GGA2: variants seen among roughly 807,000 people sequenced by gnomAD.
The protein encoded by GGA2 is golgi associated, gamma adaptin ear containing, ARF binding protein 2.
Under a neutral mutation model 79.5 loss-of-function variants are expected in GGA2, and 48 were observed. The ratio of observed to expected loss-of-function variants is 0.60; its 90% CI spans 0.48 to 0.77. The LOEUF (loss-of-function observed/expected upper bound fraction) is 0.77, where lower values mean the gene tolerates loss of function less well. Ranked by LOEUF, GGA2 falls within the 30% of genes least tolerant of loss-of-function variation. The pLI is 0.00. For synonymous variants in GGA2, 317 were observed against 302.0 expected, an observed-to-expected ratio of 1.05 and a Z score of -0.51; for missense variants, 770 against 774.0, an observed-to-expected ratio of 0.99 and a Z score of 0.06.
At chr16:23,499,398 C>T (rs1158130496) in intron 1 of GGA2, among the ~76,000 whole-genome samples, 1 of 152,042 alleles carries the variant, frequency 6.6e-6, no homozygotes, top group Non-Finnish European at 1.5e-5. Flanking sequence ...TCCACCTCAG[C>T]CTCCCAAAGT....
chr16:23,491,431 CT>C (rs1159742632), intron 5 of GGA2, among the ~76,000 whole-genome samples: 3 of 150,854 alleles, frequency 2.0e-5, no homozygotes, highest in African/African-American at 7.3e-5. Flanking sequence ...CTGTGGTTTC[CT>C]ATGATTTCCA....
At chr16:23,492,631 C>T (rs757478688) in intron 4 of GGA2, among the ~76,000 whole-genome samples, 3 of 152,078 alleles carry the variant, frequency 2.0e-5, no homozygotes, top group Admixed American at 6.6e-5. Context: ...GCCTATGTAT[C>T]GCTTCCATTT....
At chr16:23,477,324 T>G (rs573869673) in intron 13 of GGA2, among the ~76,000 whole-genome samples, 3 of 152,308 alleles carry the variant, frequency 2.0e-5, no homozygotes, top group African/African-American at 7.2e-5. Context: ...CAGTAAGAGA[T>G]AACTGAATCA....
intron 15 of GGA2, 94 bp from the exon 16 acceptor site, chr16:23,469,090 C>A (rs904502862): frequency 3.9e-6 from 3 of 763,074 alleles, no homozygotes; most frequent in African/African-American, 3.4e-5. Flanking sequence ...CCCCAACACC[C>A]CTCCAAGAGG....
At chr16:23,477,077 G>A (rs1278766649) in intron 13 of GGA2, among the ~76,000 whole-genome samples, 1 of 152,110 alleles carries the variant, frequency 6.6e-6, no homozygotes, top group African/African-American at 2.4e-5. Flanking sequence ...TCAGCCTCCT[G>A]AGCAGCTGGG....
intron 1 of GGA2, among the ~76,000 whole-genome samples, 160 bp downstream of exon 1, chr16:23,510,161 G>T (rs1290888502): frequency 5.9e-5 from 9 of 151,820 alleles, no homozygotes; most frequent in Non-Finnish European, 1.2e-4. Context: ...CCTCTCGGGG[G>T]ACCCCTGGGC....
At chr16:23,512,748 A>C (rs1965080830), upstream of GGA2, among the ~76,000 whole-genome samples, 1 of 111,848 alleles carries the variant, frequency 8.9e-6, no homozygotes, top group African/African-American at 3.6e-5. Flanking sequence ...TCTGTTGCCC[A>C]GGCTGGAGTG....
intron 11 of GGA2, 55 bp from the exon 12 acceptor site, chr16:23,478,966 T>C (rs751888914): frequency 1.7e-6 from 2 of 1,160,816 alleles, no homozygotes; most frequent in South Asian, 2.4e-5. Context: ...TGCTTCCAGA[T>C]GAAGAGTAAT....
At position 23,494,108 on chromosome 16, in the gene GGA2, G is replaced by A. The variant is rs1264209339; in HGVS notation, c.252+195C>T. 9 of 593,778 alleles carry A rather than the reference G, an allele frequency of 1.5e-5. No homozygotes were observed. The East Asian group carries it at 2.5e-4, about 17-fold the overall frequency. 36.8% of individuals were successfully genotyped at this position (593,778 alleles called of 1,614,324 possible). A position where few individuals can be genotyped will look rare whatever the true frequency, so the allele number is the denominator to read the frequency against. ...ACAGTAGACTCAATGCTGCCCTGAAGAAACAGACGAGAAACAGGAGGAAGA... is the reference window on the plus strand; with the variant it reads ...ACAGTAGACTCAATGCTGCCCTGAAAAAACAGACGAGAAACAGGAGGAAGA... On this transcript the variant is annotated intron_variant, in intron 3 of 16. Coordinates refer to ENST00000309859, the MANE Select transcript of GGA2 (RefSeq NM_015044.4).
rs141495211 is a variant in GGA2, at chr16:23,473,793, G to A, written c.1450+1111C>T. On this transcript the variant is annotated intron_variant, in intron 14 of 16. Coordinates refer to ENST00000309859, the MANE Select transcript of GGA2 (RefSeq NM_015044.4). ...TGTAGCTTCCCCAGATGTTAACATC[G>A]TAACTACAATACAGTTATTGAATTC... is the stretch of plus-strand genomic sequence containing the variant. 3.5e-4 allele frequency among the ~76,000 whole-genome samples: 53 copies of A among 152,012 alleles called. No homozygotes were observed. In the East Asian group the frequency reaches 9.5e-3, roughly 27 times the overall value.
At chr16:23,482,151 C>T (rs1964656226) in intron 9 of GGA2, among the ~76,000 whole-genome samples, 1 of 152,154 alleles carries the variant, frequency 6.6e-6, no homozygotes, top group Non-Finnish European at 1.5e-5. Context: ...ATAATCCCAG[C>T]TACTTGGGAG....
intron 14 of GGA2, among the ~76,000 whole-genome samples, chr16:23,474,219 C>T (rs1964548803): frequency 6.6e-6 from 1 of 152,236 alleles, no homozygotes; most frequent in African/African-American, 2.4e-5. Context: ...CCACATTAAA[C>T]ATTCCCTTCT....
At chr16:23,515,549 A>T (rs1359280566) in intron 2 of GGA2, among the ~76,000 whole-genome samples, 3 of 131,100 alleles carry the variant, frequency 2.3e-5, no homozygotes, top group Non-Finnish European at 4.7e-5. Context: ...GTGAGCTGAG[A>T]TTGCACCACT....
chr16:23,470,471 G>A (rs1281554379), intron 14 of GGA2, among the ~76,000 whole-genome samples: 1 of 152,080 alleles, frequency 6.6e-6, no homozygotes. Context: ...ATAGAAAATA[G>A]AGAATTATCA....
intron 3 of GGA2, 37 bp from the exon 4 acceptor site, chr16:23,493,495 G>T: frequency 7.5e-7 from 1 of 1,333,076 alleles, no homozygotes; most frequent in Non-Finnish European, 1.1e-6. Flanking sequence ...AAGGTGGAAA[G>T]CCAGTGGTCC....
At chr16:23,468,434 C>A (rs1964469071) in intron 16 of GGA2, among the ~76,000 whole-genome samples, 1 of 151,296 alleles carries the variant, frequency 6.6e-6, no homozygotes, top group African/African-American at 2.4e-5. Flanking sequence ...CCTCAGCCTC[C>A]CAAAGTGCTG....
chr16:23,493,732 C>T, intron 3 of GGA2: 1 of 401,012 alleles, frequency 2.5e-6, no homozygotes. Context: ...TTTAAGGAGA[C>T]CCTTTGAGAG....
At chr16:23,501,479 G>A (rs528820388) in intron 1 of GGA2, 49 of 410,664 alleles carry the variant, frequency 1.2e-4, no homozygotes, top group African/African-American at 5.6e-4. Context: ...ATATTACTTC[G>A]ACCTGTGTGC....
Position 23,516,546 on chromosome 16 carries a change from T to C in GGA2, c.61+3041A>G, listed in dbSNP as rs186636325. Among the ~76,000 whole-genome samples the C allele has an allele frequency of 1.9e-4, 29 of 152,308 alleles. No individual in the cohort carries two copies. The Middle Eastern group carries it at 0.014, about 71-fold the overall frequency. On this transcript the variant is annotated intron_variant, in intron 2 of 5. Coordinates refer to the GGA2 transcript ENST00000569300. ...CTGCTTAAGTCTCTCCTTGGCATAG[T>C]TGCCAGAGTGACCTTTCAAAAACCA... is the stretch of plus-strand genomic sequence containing the variant.
Sources: allele counts gnomAD v4.1 joint callset (sites outside exome capture counted in the v4.1 genomes callset), GRCh38; gene constraint gnomAD v4.1.1; transcripts MANE v1.5; gene names NCBI Gene and HGNC (gene_info 2026-07-23, HGNC 2026-07-21).